FUBP1: variants seen among roughly 807,000 people sequenced by gnomAD.
FUBP1 encodes far upstream element binding protein 1, also known as far upstream element-binding protein 1.
In FUBP1, 16 loss-of-function variants were observed where a neutral mutation model predicts 94.9. The observed-to-expected ratio is 0.17, with a 90% CI of 0.11 to 0.26. FUBP1 has a LOEUF of 0.26. Ranked by LOEUF, FUBP1 falls within the 10% of genes least tolerant of loss-of-function variation. The probability of loss-of-function intolerance (pLI) is 1.00; values close to 1 mark genes in which losing one functional copy is unlikely to be tolerated. For missense variants in FUBP1, 583 were observed against 808.6 expected (o/e 0.72, Z 3.38); for synonymous variants, 279 against 254.9 (o/e 1.09, Z -0.90).
chr1:77,947,628 T>C lies in FUBP1; in HGVS notation c.*1138A>G. The C allele has an allele frequency of 2.2e-6, 2 of 897,368 alleles. No homozygotes were observed. Among genetic ancestry groups the C allele is most frequent in the South Asian group, 1.4e-5 (1 of 72,394 alleles). 55.6% of individuals were successfully genotyped at this position (897,368 alleles called of 1,614,324 possible). Reference sequence around the variant, plus strand: ...TTAATATGCAAAGAGCCAACAAATATGCAAAGAGTAAAACAATGGATTTCA... The same window carrying C: ...TTAATATGCAAAGAGCCAACAAATACGCAAAGAGTAAAACAATGGATTTCA... On this transcript the variant is annotated 3_prime_UTR_variant, in exon 20 of 20. Transcript: ENST00000370768.
intron 1 of FUBP1, among the ~76,000 whole-genome samples, chr1:77,972,520 C>T (rs1557472473): frequency 2.1e-5 from 3 of 144,446 alleles, no homozygotes; most frequent in Admixed American, 1.4e-4. Context: ...CGAGGCAGGG[C>T]GGGGGGGATC....
At chr1:77,964,574 A>T in intron 10 of FUBP1, 72 bp downstream of exon 10, 5 of 900,488 alleles carry the variant, frequency 5.6e-6, no homozygotes, top group Non-Finnish European at 9.2e-6. Context: ...GAGCTACTTA[A>T]CACAAAACAG....
chr1:77,948,643 A>AAAT lies in FUBP1; in HGVS notation c.*122_*123insATT. 7.3e-7 allele frequency: 1 copy of AAAT among 1,360,544 alleles called. No individual in the cohort carries two copies. The highest frequency in any genetic ancestry group is 9.7e-7 in the Non-Finnish European group (1 of 1,026,840). The allele number at this position is 1,360,544 out of a possible 1,614,324, so 84.3% of individuals were successfully genotyped here. A position where few individuals can be genotyped will look rare whatever the true frequency, so the allele number is the denominator to read the frequency against. On this transcript the variant is annotated 3_prime_UTR_variant, in exon 20 of 20. Transcript: ENST00000370768. The stretch of plus-strand genomic sequence containing the variant: ...ACATTTTCAAAAAAAAAAAAAAAAA[A>AAAT]GGAAACACTATTTTAAACCAAAAAC...
intron 18 of FUBP1, among the ~76,000 whole-genome samples, chr1:77,950,400 T>C (rs1483298070): frequency 2.6e-5 from 4 of 152,188 alleles, no homozygotes; most frequent in Non-Finnish European, 2.9e-5. Flanking sequence ...ACTCAAGTGA[T>C]CCACCTGCCT....
chr1:77,970,236 A>G (rs1032788680), intron 1 of FUBP1, among the ~76,000 whole-genome samples: 5 of 152,180 alleles, frequency 3.3e-5, no homozygotes, highest in Admixed American at 2.0e-4. Context: ...ATACATCCCT[A>G]TAAGAAGCAA....
chr1:77,959,446 C>G (rs1339091796), intron 16 of FUBP1, among the ~76,000 whole-genome samples: 1 of 152,096 alleles, frequency 6.6e-6, no homozygotes, highest in Non-Finnish European at 1.5e-5. Flanking sequence ...ATGAGGAGTA[C>G]TAGAACAGAT....
chr1:77,959,405 G>A (rs1380740126), intron 16 of FUBP1, among the ~76,000 whole-genome samples: 1 of 152,064 alleles, frequency 6.6e-6, no homozygotes, highest in Non-Finnish European at 1.5e-5. Flanking sequence ...ATTAAATACA[G>A]GCCTGATTTT....
chr1:77,979,107 G>A (rs1659352108), upstream of FUBP1: 2 of 1,189,824 alleles, frequency 1.7e-6, no homozygotes, highest in Non-Finnish European at 2.3e-6. Flanking sequence ...TTACATTCTT[G>A]CGCGACCATC....
chr1:77,957,766 T>G (rs1654738953), intron 16 of FUBP1, among the ~76,000 whole-genome samples: 1 of 152,092 alleles, frequency 6.6e-6, no homozygotes, highest in Non-Finnish European at 1.5e-5. Flanking sequence ...AATTGCCCAA[T>G]GTACTGCTTT....
intron 14 of FUBP1, among the ~76,000 whole-genome samples, chr1:77,961,132 T>C (rs1655399316): frequency 6.6e-6 from 1 of 152,246 alleles, no homozygotes; most frequent in African/African-American, 2.4e-5. Context: ...AATCAGGATA[T>C]TTTATATCCT....
At position 77,948,249 on chromosome 1, in the gene FUBP1, T is replaced by C; in HGVS notation, c.*517A>G. On this transcript the variant is annotated 3_prime_UTR_variant, in exon 20 of 20. Coordinates refer to ENST00000370768, the MANE Select transcript of FUBP1 (RefSeq NM_003902.5). ...AATAAATGGAAAAGATCCTCCAATCTACCACTATACTGCAAGGGGGGAAAA... is the reference window on the plus strand; with the variant it reads ...AATAAATGGAAAAGATCCTCCAATCCACCACTATACTGCAAGGGGGGAAAA... The C allele has an allele frequency of 9.5e-7, 1 of 1,055,112 alleles. No homozygotes were observed. The highest frequency in any genetic ancestry group is 1.1e-6 in the Non-Finnish European group (1 of 872,562). 65.4% of individuals were successfully genotyped at this position (1,055,112 alleles called of 1,614,324 possible).
chr1:77,962,390 G>A (rs1342530171), intron 14 of FUBP1, among the ~76,000 whole-genome samples: 1 of 152,166 alleles, frequency 6.6e-6, no homozygotes, highest in Non-Finnish European at 1.5e-5. Context: ...AGTGGCAGAT[G>A]TATCTGATTT....
intron 2 of FUBP1, chr1:77,969,196 G>A (rs1657057224): frequency 6.6e-6 from 2 of 304,704 alleles, no homozygotes; most frequent in Non-Finnish European, 1.4e-5. Context: ...TTAAATAAAA[G>A]GAAACCAAGT....
Position 77,945,199 on chromosome 1 carries a change from ATCTG to A in FUBP1, c.*3563_*3566del, listed in dbSNP as rs1443522394. 6.6e-6 allele frequency among the ~76,000 whole-genome samples: 1 copy of A among 151,586 alleles called. No homozygotes were observed. The highest frequency in any genetic ancestry group is 1.5e-5 in the Non-Finnish European group (1 of 67,750). The stretch of plus-strand genomic sequence containing the variant: ...CCCCAATATCTATTATCATCAATCT[ATCTG>A]TATTTTTTTTTATAAAAATGCAATC... On this transcript the variant is annotated 3_prime_UTR_variant, in exon 20 of 20. Coordinates refer to ENST00000370768, the MANE Select transcript of FUBP1 (RefSeq NM_003902.5).
intron 17 of FUBP1, 49 bp downstream of exon 17, chr1:77,956,523 A>C: frequency 7.0e-7 from 1 of 1,426,814 alleles, no homozygotes; most frequent in Non-Finnish European, 9.8e-7. Context: ...TTCATATATA[A>C]TTCCAAGCAC....
Position 77,967,046 on chromosome 1 carries a change from T to A in FUBP1, c.343+3A>T, listed in dbSNP as rs2102425230. On this transcript the variant is annotated splice_donor_region_variant and intron_variant, in intron 5 of 19. Coordinates refer to ENST00000370768, the MANE Select transcript of FUBP1 (RefSeq NM_003902.5). Reference sequence around the variant, plus strand: ...TCAAAACTTTAAAAATCAAGTTACTTACTGAATCCAACCATTCCATCTGGA... The same window carrying A: ...TCAAAACTTTAAAAATCAAGTTACTAACTGAATCCAACCATTCCATCTGGA... The A allele has an allele frequency of 6.4e-7, 1 of 1,572,874 alleles. No homozygotes were observed. The highest frequency in any genetic ancestry group is 8.7e-7 in the Non-Finnish European group (1 of 1,144,304).
intron 16 of FUBP1, among the ~76,000 whole-genome samples, chr1:77,959,190 A>G (rs1236002022): frequency 6.6e-6 from 1 of 152,174 alleles, no homozygotes; most frequent in Non-Finnish European, 1.5e-5. Flanking sequence ...TTTCCTTGAA[A>G]CTACACGAGT....
rs755896093 is a variant in FUBP1 at position 77,965,172 on chromosome 1, T to C, written c.533A>G (p.His178Arg). Residue 178 changes from histidine (H) to arginine (R), a missense_variant, in exon 8 of 20, where the codon CAT becomes CGT. Coordinates refer to ENST00000370768, the MANE Select transcript of FUBP1 (RefSeq NM_003902.5). ...TGCATTTCCCGGTCCATCGCCATGA[T>C]GGAAGCCAGGAGCTGGTCTTCCTTT... is the stretch of plus-strand genomic sequence containing the variant. ...VEKGRPAPGFHHGDGPGNAVQ... is the reference protein window; with the variant it reads ...VEKGRPAPGFRHGDGPGNAVQ... 6.2e-7 allele frequency: 1 copy of C among 1,612,196 alleles called. No individual in the cohort carries two copies.
rs1418294363 is a variant in FUBP1, at chr1:77,945,903, C to T, written c.*2863G>A. 1 of 208,104 alleles carries T rather than the reference C, an allele frequency of 4.8e-6. No individual in the cohort carries two copies. Among genetic ancestry groups the T allele is most frequent in the Non-Finnish European group, 9.8e-6 (1 of 102,230 alleles). 12.9% of individuals were successfully genotyped at this position (208,104 alleles called of 1,614,324 possible). On this transcript the variant is annotated 3_prime_UTR_variant, in exon 20 of 20. Coordinates refer to ENST00000370768, the MANE Select transcript of FUBP1 (RefSeq NM_003902.5). Reference sequence around the variant, plus strand: ...TAAATCAGAAAAATACTGATTGCTACAGATTATGAAAGGTTATTTGCTATA... The same window carrying T: ...TAAATCAGAAAAATACTGATTGCTATAGATTATGAAAGGTTATTTGCTATA...
Sources: allele counts gnomAD v4.1 joint callset (sites outside exome capture counted in the v4.1 genomes callset), GRCh38; gene constraint gnomAD v4.1.1; transcripts MANE v1.5; gene names NCBI Gene and HGNC (gene_info 2026-07-23, HGNC 2026-07-21).